Variants in NBAS observed in about 807,000 individuals in gnomAD.
NBAS encodes NBAS subunit of NRZ tethering complex.
NBAS carries 219 observed loss-of-function variants against 302.5 expected under a neutral mutation model. That is an observed-to-expected ratio of 0.72 (90% CI 0.65 to 0.81). The LOEUF is 0.81. Ranked by LOEUF, NBAS falls within the 30% of genes least tolerant of loss-of-function variation. The pLI, the probability that NBAS is intolerant of heterozygous loss-of-function variation, is 0.00. For missense variants in NBAS, 2,932 were observed against 2,841.6 expected (o/e 1.03, Z -0.72); for synonymous variants, 1,118 against 1,021.6 (o/e 1.09, Z -1.80).
At chr2:15,234,487 C>T (rs1459465045) in intron 46 of NBAS, 58 bp downstream of exon 46, 2 of 1,539,494 alleles carry the variant, frequency 1.3e-6, no homozygotes, top group Non-Finnish European at 1.8e-6. Flanking sequence ...GACAGTTTAG[C>T]ACCATCACTG....
At chr2:15,185,029 T>C (rs779229653) in intron 50 of NBAS, among the ~76,000 whole-genome samples, 3 of 152,206 alleles carry the variant, frequency 2.0e-5, no homozygotes, top group Non-Finnish European at 4.4e-5. Context: ...TTTATACAAT[T>C]GTATGAGAGA....
intron 16 of NBAS, 66 bp from the exon 17 acceptor site, chr2:15,468,599 C>T: frequency 1.3e-6 from 2 of 1,548,638 alleles, no homozygotes; most frequent in Non-Finnish European, 8.9e-7. Context: ...ATTACAACTG[C>T]CTTCAGAATT....
the NBAS span, among the ~76,000 whole-genome samples, chr2:14,941,355 G>T: frequency 6.6e-6 from 1 of 152,144 alleles, no homozygotes; most frequent in East Asian, 1.9e-4. Flanking sequence ...TAGCTCATTT[G>T]GACAGAGCCT....
At chr2:15,013,515 T>C in the NBAS span, among the ~76,000 whole-genome samples, 1 of 152,188 alleles carries the variant, frequency 6.6e-6, no homozygotes, top group Non-Finnish European at 1.5e-5. Flanking sequence ...CTGGGCATGG[T>C]GGTTCATGCC....
chr2:14,842,809 A>T, the NBAS span, among the ~76,000 whole-genome samples: 1 of 150,782 alleles, frequency 6.6e-6, no homozygotes, highest in African/African-American at 2.4e-5. Context: ...ACATTCTATG[A>T]GGCCAGCATT....
intron 11 of NBAS, among the ~76,000 whole-genome samples, chr2:15,493,003 G>A (rs1330251004): frequency 6.6e-6 from 1 of 152,172 alleles, no homozygotes; most frequent in African/African-American, 2.4e-5. Flanking sequence ...ATGTGTCAGG[G>A]GAGGGACCTA....
intron 13 of NBAS, among the ~76,000 whole-genome samples, chr2:15,476,332 T>C (rs1471636377): frequency 1.3e-5 from 2 of 152,008 alleles, no homozygotes; most frequent in Non-Finnish European, 2.9e-5. Context: ...ATAAGACAGA[T>C]ATGTAATAGT....
chr2:15,469,713 C>G (rs990241056), intron 16 of NBAS, among the ~76,000 whole-genome samples: 1 of 151,970 alleles, frequency 6.6e-6, no homozygotes, highest in Non-Finnish European at 1.5e-5. Context: ...TGGAAACCAT[C>G]ATTCTGAGCA....
the NBAS span, among the ~76,000 whole-genome samples, chr2:14,782,766 C>T: frequency 6.6e-6 from 1 of 152,160 alleles, no homozygotes; most frequent in Non-Finnish European, 1.5e-5. Flanking sequence ...CCATGGAATA[C>T]TACACAGCCA....
chr2:15,263,248 C>A (rs1405571926), intron 44 of NBAS, among the ~76,000 whole-genome samples: 1 of 152,160 alleles, frequency 6.6e-6, no homozygotes, highest in Non-Finnish European at 1.5e-5. Flanking sequence ...TCAAGAGATC[C>A]TCCCACCTCA....
the NBAS span, among the ~76,000 whole-genome samples, chr2:15,046,793 T>A: frequency 2.0e-5 from 3 of 152,162 alleles, no homozygotes; most frequent in Non-Finnish European, 4.4e-5. Context: ...AATGACTAAC[T>A]CTAAGATGGG....
chr2:14,857,498 T>C, the NBAS span, among the ~76,000 whole-genome samples: 7 of 152,066 alleles, frequency 4.6e-5, no homozygotes, highest in African/African-American at 1.7e-4. Flanking sequence ...TGAAACAGAA[T>C]AGACAACCCA....
chr2:15,318,527 C>G (rs6731789), intron 38 of NBAS, among the ~76,000 whole-genome samples: 83,854 of 151,574 alleles, frequency 0.55, 24,623 homozygotes, highest in East Asian at 0.85. Context: ...TCATACATAG[C>G]CTCAAAATAA....
chr2:15,392,860 C>A (rs1304763883), intron 28 of NBAS, among the ~76,000 whole-genome samples: 1 of 151,802 alleles, frequency 6.6e-6, no homozygotes, highest in Non-Finnish European at 1.5e-5. Context: ...TACCTAATTT[C>A]AATATTTAAT....
chr2:14,935,920 C>G, the NBAS span, among the ~76,000 whole-genome samples: 1 of 152,176 alleles, frequency 6.6e-6, no homozygotes, highest in Non-Finnish European at 1.5e-5. Context: ...CCCCTAGGTG[C>G]CAAACCAGAG....
In NBAS at chr2:15,379,830, A is replaced by G. The variant is rs772573001; in HGVS notation, c.3362T>C (p.Ile1121Thr). The G allele has an allele frequency of 6.2e-7, 1 of 1,613,242 alleles. No individual in the cohort carries two copies. Among genetic ancestry groups the G allele is most frequent in the South Asian group, 1.1e-5 (1 of 91,072 alleles). ...AGAGCACAGAAGGCTTTCTGTAAAT[A>G]TCTGGAAAAAAGGAGAAACTGGAAT... ...TCLDSDACYEIFTESLLCSSR... is the reference protein window; with the variant it reads ...TCLDSDACYETFTESLLCSSR... Residue 1121 changes from isoleucine to threonine, a missense_variant and splice_region_variant, in exon 30 of 52, where the codon ATA becomes ACA. By Grantham distance (89) the Ile-to-Thr change is moderately conservative. Coordinates refer to ENST00000281513, the MANE Select transcript of NBAS (RefSeq NM_015909.4).
chr2:15,448,482 G>C (rs1048477532), intron 21 of NBAS, among the ~76,000 whole-genome samples: 1 of 152,212 alleles, frequency 6.6e-6, no homozygotes, highest in East Asian at 1.9e-4. Flanking sequence ...AACACAGCTA[G>C]CATGTACTCA....
chr2:15,316,413 C>T (rs905821547), intron 38 of NBAS, among the ~76,000 whole-genome samples: 1 of 152,170 alleles, frequency 6.6e-6, no homozygotes, highest in African/African-American at 2.4e-5. Context: ...TGAAGTAGGG[C>T]GGGGTGTTGC....
In NBAS at chr2:15,317,384, T is replaced by C. The variant is rs559882894; in HGVS notation, c.4583-8137A>G. 2.0e-5 allele frequency among the ~76,000 whole-genome samples: 3 copies of C among 152,236 alleles called. No individual in the cohort carries two copies. The East Asian group carries it at 5.8e-4, about 29-fold the overall frequency. On this transcript the variant is annotated intron_variant, in intron 38 of 51. Coordinates refer to ENST00000281513, the MANE Select transcript of NBAS (RefSeq NM_015909.4). ...CTCCTCACCAGCAATGGAACAAAGA[T>C]GGATGGAGAATGATTTTGACAAGTT...
Sources: allele counts gnomAD v4.1 joint callset (sites outside exome capture counted in the v4.1 genomes callset), GRCh38; gene constraint gnomAD v4.1.1; transcripts MANE v1.5; gene names NCBI Gene and HGNC (gene_info 2026-07-23, HGNC 2026-07-21).